Variants in CFH observed in about 807,000 individuals in gnomAD.
CFH encodes complement factor H.
A neutral mutation model predicts 147.3 loss-of-function variants in CFH; 53 were observed. The ratio of observed to expected loss-of-function variants is 0.36; its 90% CI spans 0.29 to 0.45. The LOEUF (loss-of-function observed/expected upper bound fraction) is 0.45. Ranked by LOEUF, CFH falls within the 20% of genes least tolerant of loss-of-function variation. CFH has a pLI of 1.00. For missense variants in CFH, 1,380 were observed against 1,498.0 expected (o/e 0.92, Z 1.30); for synonymous variants, 536 against 489.4 (o/e 1.10, Z -1.26).
At chr1:196,658,457 G>A (rs1356311409) in intron 1 of CFH, among the ~76,000 whole-genome samples, 1 of 133,814 alleles carries the variant, frequency 7.5e-6, no homozygotes, top group East Asian at 2.2e-4. Context: ...TGTCGCCCAG[G>A]CTGGAGTGCA....
intron 1 of CFH, among the ~76,000 whole-genome samples, chr1:196,671,709 A>G (rs1419550078): frequency 1.3e-5 from 2 of 149,264 alleles, no homozygotes; most frequent in African/African-American, 4.9e-5. Flanking sequence ...CATATATTAG[A>G]CTTTTGAGAT....
intron 10 of CFH, among the ~76,000 whole-genome samples, chr1:196,714,666 TATAGAGAGAGAGAG>T (rs1397659510): frequency 7.1e-4 from 20 of 28,344 alleles, no homozygotes; most frequent in East Asian, 5.6e-3. Context: ...TATATATATA[TATAGAGAGAGAGAG>T]AGAGAGAGAG....
intron 14 of CFH, among the ~76,000 whole-genome samples, chr1:196,727,494 C>T (rs1417415135): frequency 6.6e-6 from 1 of 151,834 alleles, no homozygotes; most frequent in South Asian, 2.1e-4. Context: ...AAGACTCTTT[C>T]TTTAAAAAAC....
chr1:196,704,578 C>T (rs764090962), intron 9 of CFH, among the ~76,000 whole-genome samples: 4 of 152,174 alleles, frequency 2.6e-5, no homozygotes, highest in Non-Finnish European at 4.4e-5. Context: ...AGTCCGGAAA[C>T]ATGGGCAGAT....
At chr1:196,678,987 T>C (rs2149081638) in intron 5 of CFH, 1 of 152,406 alleles carries the variant, frequency 6.6e-6, no homozygotes, top group African/African-American at 2.4e-5. Flanking sequence ...GGAGTTACGA[T>C]GTGTCTACCT....
At chr1:196,677,164 G>A (rs1192411776) in intron 4 of CFH, 2 of 259,738 alleles carry the variant, frequency 7.7e-6, no homozygotes, top group Non-Finnish European at 1.5e-5. Context: ...AAATGAAAAT[G>A]TATTTAATTA....
chr1:196,691,831 G>T (rs1668034093), intron 9 of CFH, among the ~76,000 whole-genome samples: 1 of 151,830 alleles, frequency 6.6e-6, no homozygotes, highest in African/African-American at 2.4e-5. Flanking sequence ...AAAACATAGA[G>T]CCACTATACT....
chr1:196,679,184 A>C (rs1667564899), intron 5 of CFH: 1 of 156,070 alleles, frequency 6.4e-6, no homozygotes, highest in Non-Finnish European at 1.4e-5. Flanking sequence ...GATGACACAA[A>C]AACAGGTCAG....
rs1347745472 is a variant in CFH at position 196,715,711 on chromosome 1, C to T, written c.1638C>T (p.Ser546=). Residue 546 remains serine (S), a synonymous_variant, in exon 11 of 22, where the codon AGC becomes AGT. Transcript: ENST00000367429. ...ATGGTTATGAAAGCAATACTGGAAG[C>T]ACCACTGGTTCCATAGTGTGTGGTT... ...CHDGYESNTG[S]TTGSIVCGYN... 6.2e-7 allele frequency: 1 copy of T among 1,612,858 alleles called. No homozygotes were observed. The highest frequency in any genetic ancestry group is 1.7e-5 in the Admixed American group (1 of 59,896).
intron 9 of CFH, among the ~76,000 whole-genome samples, chr1:196,701,906 AT>A (rs1420485909): frequency 6.6e-6 from 1 of 152,148 alleles, no homozygotes. Context: ...TACCCACTGG[AT>A]TTCGGAGAAC....
chr1:196,670,658 T>C (rs1295118184), intron 1 of CFH, among the ~76,000 whole-genome samples: 1 of 152,204 alleles, frequency 6.6e-6, no homozygotes, highest in African/African-American at 2.4e-5. Context: ...ATTATATCTC[T>C]TTTCTTTATA....
At chr1:196,704,008 C>CA (rs1264991179) in intron 9 of CFH, among the ~76,000 whole-genome samples, 1 of 113,610 alleles carries the variant, frequency 8.8e-6, no homozygotes, top group Admixed American at 9.3e-5. Context: ...AAAAAAAAGA[C>CA]AGAGTTTTTC....
intron 15 of CFH, among the ~76,000 whole-genome samples, chr1:196,735,804 A>G (rs1669387745): frequency 6.6e-6 from 1 of 152,122 alleles, no homozygotes; most frequent in Non-Finnish European, 1.5e-5. Context: ...GATAAATATG[A>G]AATACTTTAT....
At chr1:196,721,565 A>G (rs1668998796) in intron 11 of CFH, among the ~76,000 whole-genome samples, 1 of 151,958 alleles carries the variant, frequency 6.6e-6, no homozygotes, top group Non-Finnish European at 1.5e-5. Context: ...AATGTCTGTT[A>G]GGTCCATTTG....
intron 1 of CFH, among the ~76,000 whole-genome samples, chr1:196,661,359 T>A (rs746562542): frequency 6.6e-6 from 1 of 152,306 alleles, no homozygotes; most frequent in Non-Finnish European, 1.5e-5. Context: ...CTTCTAAAAC[T>A]TTTTTCTTTG....
At chr1:196,701,884 G>C (rs1361271924) in intron 9 of CFH, among the ~76,000 whole-genome samples, 1 of 152,112 alleles carries the variant, frequency 6.6e-6, no homozygotes, top group Non-Finnish European at 1.5e-5. Context: ...TTTTAACATG[G>C]CTTAACCTTA....
intron 9 of CFH, chr1:196,701,494 C>A: frequency 3.8e-6 from 4 of 1,056,514 alleles, no homozygotes; most frequent in Non-Finnish European, 4.1e-6. Flanking sequence ...ATGGGAAATG[C>A]TAATTCAGCT....
At chr1:196,667,116 C>T (rs554331476) in intron 1 of CFH, among the ~76,000 whole-genome samples, 21 of 152,214 alleles carry the variant, frequency 1.4e-4, no homozygotes, top group South Asian at 4.1e-4. Flanking sequence ...GGATTGCTTA[C>T]TTCTTTTATT....
intron 8 of CFH, 113 bp from the exon 9 acceptor site, chr1:196,689,950 T>G: frequency 8.2e-7 from 1 of 1,213,688 alleles, no homozygotes; most frequent in Non-Finnish European, 1.1e-6. Flanking sequence ...ACATTATTTT[T>G]GGATGTTTAT....
Sources: gnomAD v4.1 joint callset for allele counts (sites outside exome capture counted in the v4.1 genomes callset) on GRCh38, gnomAD v4.1.1 for gene constraint, MANE v1.5 for transcripts, NCBI Gene and HGNC (gene_info 2026-07-23, HGNC 2026-07-21) for gene names.